The following CMTM4 variants were observed in gnomAD, a reference collection of about 807,000 sequenced individuals.
CMTM4 encodes the protein CKLF-like MARVEL transmembrane domain-containing protein 4.
A neutral mutation model predicts 19.0 loss-of-function variants in CMTM4; 8 were observed. The ratio of observed to expected loss-of-function variants is 0.42; its 90% CI spans 0.25 to 0.76. The LOEUF (loss-of-function observed/expected upper bound fraction) is 0.76. CMTM4 is among the 30% of genes least tolerant of loss of function. The pLI is 0.27. For missense variants in CMTM4, 228 were observed against 290.2 expected (o/e 0.79, Z 1.56); for synonymous variants, 106 against 121.1 (o/e 0.88, Z 0.82).
chr16:66,612,357 G>A (rs1268407296), downstream of CMTM4, among the ~76,000 whole-genome samples: 1 of 152,126 alleles, frequency 6.6e-6, no homozygotes, highest in Non-Finnish European at 1.5e-5. This position sits in a 1 kb window ranked among gnomAD's most constrained non-coding sequence, Gnocchi z 6.0. Context: ...CCTGGGTGAT[G>A]AGCAAGACTC....
At chr16:66,607,611 T>C in the CMTM4 span, among the ~76,000 whole-genome samples, 1 of 152,246 alleles carries the variant, frequency 6.6e-6, no homozygotes, top group African/African-American at 2.4e-5. Context: ...GAAATCTACA[T>C]TCAGTGACGA....
rs1022562809 is a variant in CMTM4 at position 66,647,582 on chromosome 16, T to C, written c.187-11001A>G. Among the ~76,000 whole-genome samples the C allele has an allele frequency of 6.6e-5, 10 of 152,118 alleles. No individual in the cohort carries two copies. In the South Asian group the frequency reaches 1.2e-3, roughly 19 times the overall value. ...AACTGTGAGGAGACTGGGGAAGAAG[T>C]TGGACAAAAGAGCAAATGAGGAATG... On this transcript the variant is annotated intron_variant, in intron 1 of 3. Coordinates refer to ENST00000394106, the MANE Select transcript of CMTM4 (RefSeq NM_181521.3).
At chr16:66,614,452 C>T (rs537003898), downstream of CMTM4, among the ~76,000 whole-genome samples, 39 of 152,314 alleles carry the variant, frequency 2.6e-4, no homozygotes, top group African/African-American at 7.7e-4. This position sits in a 1 kb window ranked among gnomAD's most constrained non-coding sequence, Gnocchi z 4.9. Context: ...GACCCGGGTC[C>T]GCATTCTTAT....
intron 1 of CMTM4, among the ~76,000 whole-genome samples, chr16:66,652,168 A>T (rs890680058): frequency 3.3e-5 from 5 of 152,206 alleles, no homozygotes; most frequent in Non-Finnish European, 7.3e-5. Flanking sequence ...TGTTGACAAG[A>T]AAAGGAGAAA....
rs752255328 is a variant in CMTM4 at position 66,622,252 on chromosome 16, G to A, written c.463-30C>T. ...AAACACACCAGCACAGTTAGTCCTC[G>A]GGCACGTGGCCTGGCCCCTCAAGGC... On this transcript the variant is annotated intron_variant, in intron 3 of 3. Transcript: ENST00000394106. The surrounding 1 kb of genome is among the most constrained non-coding windows in gnomAD (Gnocchi z 4.0). 22 of 1,608,396 alleles carry A rather than the reference G, an allele frequency of 1.4e-5. No homozygotes were observed. The highest frequency in any genetic ancestry group is 1.7e-4 in the Middle Eastern group (1 of 5,970).
the CMTM4 span, among the ~76,000 whole-genome samples, chr16:66,606,485 G>A: frequency 6.6e-6 from 1 of 151,906 alleles, no homozygotes; most frequent in Admixed American, 6.6e-5. Flanking sequence ...GCCATGTGCA[G>A]AGCAAATGGG....
At chr16:66,664,032 A>G (rs1326425878) in intron 1 of CMTM4, among the ~76,000 whole-genome samples, 1 of 152,108 alleles carries the variant, frequency 6.6e-6, no homozygotes, top group African/African-American at 2.4e-5. Context: ...CAGGAGTTTG[A>G]GACCAGCCTG....
chr16:66,683,837 C>T (rs1394352233), intron 1 of CMTM4, among the ~76,000 whole-genome samples: 2 of 151,816 alleles, frequency 1.3e-5, no homozygotes, highest in African/African-American at 4.8e-5. Context: ...CTCTTTTGAG[C>T]GGGAACCAGA....
the CMTM4 span, chr16:66,605,060 C>T: frequency 2.0e-6 from 2 of 1,021,904 alleles, no homozygotes; most frequent in Non-Finnish European, 2.6e-6. This position sits in a 1 kb window ranked among gnomAD's most constrained non-coding sequence, Gnocchi z 4.6. Context: ...TGCTCCGATA[C>T]CCCCTCTCCG....
At chr16:66,651,594 A>AGT (rs1321445674) in intron 1 of CMTM4, among the ~76,000 whole-genome samples, 1 of 152,102 alleles carries the variant, frequency 6.6e-6, no homozygotes. Context: ...CTAACATATG[A>AGT]CTTATCCAGA....
the CMTM4 span, among the ~76,000 whole-genome samples, chr16:66,607,624 A>G: frequency 6.6e-6 from 1 of 152,206 alleles, no homozygotes; most frequent in Non-Finnish European, 1.5e-5. Context: ...AGTGACGAGC[A>G]CACGTCTTTG....
chr16:66,623,542 T>C, intron 2 of CMTM4, 40 bp from the exon 3 acceptor site: 1 of 1,437,484 alleles, frequency 7.0e-7, no homozygotes, highest in African/African-American at 1.4e-5. Flanking sequence ...AAAAGAACCA[T>C]TCCATCTTTG....
chr16:66,659,761 T>G (rs1596941082), intron 1 of CMTM4, among the ~76,000 whole-genome samples: 1 of 152,182 alleles, frequency 6.6e-6, no homozygotes, highest in East Asian at 1.9e-4. Flanking sequence ...AAGACTTGTT[T>G]TAAAATATTA....
chr16:66,683,165 A>ATATATACATG lies in CMTM4; in HGVS notation c.186+13174_186+13175insCATGTATATA, dbSNP rs1567432138. On this transcript the variant is annotated intron_variant, in intron 1 of 3. Transcript: ENST00000394106. ...TATATATGTATATATATATACGTAT[A>ATATATACATG]TATATATATACATATGTATATATAT... is the stretch of plus-strand genomic sequence containing the variant. Among the ~76,000 whole-genome samples the ATATATACATG allele has an allele frequency of 3.5e-3, 369 of 104,418 alleles. 10 individuals carry two copies. The highest frequency in any genetic ancestry group is 0.019 in the South Asian group (56 of 2,936). The allele number at this position is 104,418 out of a possible 152,430, so 68.5% of individuals were successfully genotyped here.
At chr16:66,599,419 A>G in the CMTM4 span, among the ~76,000 whole-genome samples, 1 of 152,220 alleles carries the variant, frequency 6.6e-6, no homozygotes, top group Admixed American at 6.5e-5. Context: ...ACCAAGGTCA[A>G]GACACTTTTT....
chr16:66,656,222 C>T (rs575553797), intron 1 of CMTM4, among the ~76,000 whole-genome samples: 26 of 152,222 alleles, frequency 1.7e-4, no homozygotes, highest in African/African-American at 5.8e-4. Flanking sequence ...AAACTCTTTC[C>T]TACAGTTGAA....
the CMTM4 span, among the ~76,000 whole-genome samples, chr16:66,601,879 C>A: frequency 6.6e-6 from 1 of 152,220 alleles, no homozygotes; most frequent in African/African-American, 2.4e-5. Flanking sequence ...GGTCCCAGGG[C>A]TCCTGTCTGC....
At chr16:66,640,913 C>CG (rs2016087895) in intron 1 of CMTM4, among the ~76,000 whole-genome samples, 3 of 152,200 alleles carry the variant, frequency 2.0e-5, no homozygotes, top group Non-Finnish European at 4.4e-5. Flanking sequence ...GACATAGGTC[C>CG]TCCAGCCCCA....
At chr16:66,661,830 G>A (rs1464964540) in intron 1 of CMTM4, among the ~76,000 whole-genome samples, 2 of 152,156 alleles carry the variant, frequency 1.3e-5, no homozygotes, top group Non-Finnish European at 2.9e-5. Flanking sequence ...CTACTCAGGA[G>A]GCTGAGGCAG....
Sources: allele counts gnomAD v4.1 joint callset (sites outside exome capture counted in the v4.1 genomes callset), GRCh38; gene constraint gnomAD v4.1.1; non-coding constraint Gnocchi (gnomAD v3.1); transcripts MANE v1.5; gene names NCBI Gene and HGNC (gene_info 2026-07-23, HGNC 2026-07-21).